The following RBFOX1 variants were observed in gnomAD, a reference collection of about 807,000 sequenced individuals.
RBFOX1 encodes the protein RNA binding protein fox-1 homolog 1.
RBFOX1 carries 8 observed loss-of-function variants against 57.7 expected under a neutral mutation model. The ratio of observed to expected loss-of-function variants is 0.14; its 90% CI spans 0.08 to 0.25. The LOEUF (loss-of-function observed/expected upper bound fraction) is 0.25. Among genes scored for constraint, RBFOX1 ranks in the 10% least tolerant of loss-of-function variants. RBFOX1 has a pLI of 1.00. For synonymous variants in RBFOX1, 326 were observed against 222.4 expected, an observed-to-expected ratio of 1.47 and a Z score of -4.15; for missense variants, 611 against 548.5, an observed-to-expected ratio of 1.11 and a Z score of -1.14.
chr16:5,723,118 G>C (rs938364890), intron 3 of RBFOX1, among the ~76,000 whole-genome samples: 2 of 152,128 alleles, frequency 1.3e-5, no homozygotes, highest in African/African-American at 4.8e-5. Context: ...TTTTACCTCA[G>C]AGTCATCCAT....
intron 4 of RBFOX1, among the ~76,000 whole-genome samples, chr16:5,991,482 T>C (rs1026828440): frequency 5.3e-5 from 8 of 152,138 alleles, no homozygotes; most frequent in Admixed American, 4.6e-4. Context: ...TTTGGATTAA[T>C]ATCTCTGGAG....
At chr16:5,503,428 T>C (rs1241879664) in intron 2 of RBFOX1, among the ~76,000 whole-genome samples, 1 of 152,212 alleles carries the variant, frequency 6.6e-6, no homozygotes, top group Non-Finnish European at 1.5e-5. Flanking sequence ...GACACTGGTT[T>C]CTTTCTTTGT....
chr16:7,160,510 G>C (rs539787076), intron 4 of RBFOX1, among the ~76,000 whole-genome samples: 1 of 152,046 alleles, frequency 6.6e-6, no homozygotes, highest in Admixed American at 6.6e-5. Flanking sequence ...GATAAAAACT[G>C]TTATACATAT....
chr16:5,781,697 A>G (rs1482723355), intron 3 of RBFOX1, among the ~76,000 whole-genome samples: 1 of 152,250 alleles, frequency 6.6e-6, no homozygotes, highest in African/African-American at 2.4e-5. Flanking sequence ...GTGGCAGGCT[A>G]GAATTGCCCT....
intron 11 of RBFOX1, among the ~76,000 whole-genome samples, chr16:7,634,138 C>G (rs767874556): frequency 6.6e-6 from 1 of 152,194 alleles, no homozygotes; most frequent in African/African-American, 2.4e-5. Context: ...AGGAATCCAA[C>G]CATTGCCCTC....
intron 4 of RBFOX1, among the ~76,000 whole-genome samples, chr16:7,390,136 A>T (rs1234683957): frequency 2.0e-5 from 3 of 152,080 alleles, no homozygotes; most frequent in Non-Finnish European, 4.4e-5. Context: ...CTTTCAAACA[A>T]ACAGCTCTTG....
rs370737983 is a variant in RBFOX1 at position 6,722,989 on chromosome 16, A to G, written c.-16+68339A>G. Among the ~76,000 whole-genome samples the G allele has an allele frequency of 5.3e-4, 81 of 152,244 alleles. 2 individuals carry two copies. In the South Asian group the frequency reaches 0.016, roughly 31 times the overall value. On this transcript the variant is annotated intron_variant, in intron 3 of 15. Transcript: ENST00000550418. ...TGCAAGTGATGGTATTTGACACTTT[A>G]TCAGTCACCTCCTAAGTAGCTCCCA...
At chr16:5,952,066 T>C (rs987766921) in intron 4 of RBFOX1, among the ~76,000 whole-genome samples, 4 of 150,836 alleles carry the variant, frequency 2.7e-5, no homozygotes, top group African/African-American at 9.7e-5. Context: ...CACACATCTA[T>C]ATAAATATAT....
At chr16:7,588,359 A>T (rs373813653) in intron 7 of RBFOX1, among the ~76,000 whole-genome samples, 1 of 152,206 alleles carries the variant, frequency 6.6e-6, no homozygotes, top group Admixed American at 6.5e-5. Context: ...GTTGAATTCA[A>T]AACTCCCAAG....
chr16:7,188,684 G>C (rs1255450909), intron 4 of RBFOX1, among the ~76,000 whole-genome samples: 1 of 152,142 alleles, frequency 6.6e-6, no homozygotes, highest in Non-Finnish European at 1.5e-5. Flanking sequence ...CCTGCAGCAG[G>C]TTTCATTTAT....
intron 3 of RBFOX1, among the ~76,000 whole-genome samples, chr16:5,735,571 G>C (rs748549063): frequency 1.3e-5 from 2 of 152,160 alleles, no homozygotes; most frequent in Non-Finnish European, 2.9e-5. Flanking sequence ...TTACCTAATA[G>C]AGTAGAAGAG....
chr16:6,745,664 C>A (rs576667655), intron 3 of RBFOX1, among the ~76,000 whole-genome samples: 1 of 152,150 alleles, frequency 6.6e-6, no homozygotes. Context: ...TAAAAGGCAT[C>A]TATGGAAAAT....
At chr16:5,703,020 C>T (rs2051107581) in intron 3 of RBFOX1, among the ~76,000 whole-genome samples, 1 of 152,134 alleles carries the variant, frequency 6.6e-6, no homozygotes, top group Admixed American at 6.5e-5. Context: ...ATTGTGTCAT[C>T]TGGTAAATAG....
At chr16:5,902,669 G>T (rs914356871) in intron 4 of RBFOX1, among the ~76,000 whole-genome samples, 3 of 152,142 alleles carry the variant, frequency 2.0e-5, no homozygotes, top group African/African-American at 7.2e-5. Context: ...GCATACCTCG[G>T]CCTCCCAAAG....
rs140366601 is a variant in RBFOX1, at chr16:5,522,913, A to G, written c.258+55659A>G. ...CTGAATAGCATTCCATCGTGTATCT[A>G]TATCACATTTTCTATATTCATCCAT... On this transcript the variant is annotated intron_variant, in intron 2 of 2. Transcript: ENST00000585867. 1.4e-3 allele frequency among the ~76,000 whole-genome samples: 220 copies of G among 152,290 alleles called. 2 individuals carry two copies. Among genetic ancestry groups the G allele is most frequent in the African/African-American group, 5.1e-3 (210 of 41,562 alleles).
chr16:7,177,414 G>A (rs935696584), intron 4 of RBFOX1, among the ~76,000 whole-genome samples: 4 of 151,618 alleles, frequency 2.6e-5, no homozygotes, highest in Non-Finnish European at 5.9e-5. Context: ...ACCCTGACTT[G>A]ATCCTTAAAC....
intron 1 of RBFOX1, among the ~76,000 whole-genome samples, chr16:6,174,480 A>G (rs973188363): frequency 6.6e-5 from 10 of 152,162 alleles, no homozygotes; most frequent in Non-Finnish European, 2.9e-5. Flanking sequence ...CTGTAGTCCC[A>G]ACTATTGGGG....
intron 3 of RBFOX1, among the ~76,000 whole-genome samples, chr16:6,974,001 C>T (rs74769253): frequency 6.6e-6 from 1 of 152,106 alleles, no homozygotes; most frequent in African/African-American, 2.4e-5. Flanking sequence ...TTGTTCAGCT[C>T]TCACTTTTAA....
intron 2 of RBFOX1, among the ~76,000 whole-genome samples, chr16:6,436,587 G>C (rs1208742334): frequency 6.9e-6 from 1 of 144,586 alleles, no homozygotes; most frequent in Admixed American, 7.1e-5. Flanking sequence ...ATTTTTTCTG[G>C]GGGGAAAAAT....
Sources: allele counts gnomAD v4.1 joint callset (sites outside exome capture counted in the v4.1 genomes callset), GRCh38; gene constraint gnomAD v4.1.1; transcripts MANE v1.5; gene names NCBI Gene and HGNC (gene_info 2026-07-23, HGNC 2026-07-21).